Variants in PIK3C2G observed in about 807,000 individuals in gnomAD.
The protein encoded by PIK3C2G is phosphatidylinositol 3-kinase C2 domain-containing subunit gamma.
A neutral mutation model predicts 181.1 loss-of-function variants in PIK3C2G; 168 were observed. That is an observed-to-expected ratio of 0.93 (90% CI 0.82 to 1.05). The LOEUF (loss-of-function observed/expected upper bound fraction) is 1.05, where lower values mean the gene tolerates loss of function less well. PIK3C2G is among the 50% of genes least tolerant of loss of function. The pLI, the probability that PIK3C2G is intolerant of heterozygous loss-of-function variation, is 0.00. For missense variants in PIK3C2G, 1,869 were observed against 1,732.8 expected (o/e 1.08, Z -1.40); for synonymous variants, 573 against 592.2 (o/e 0.97, Z 0.47).
intron 16 of PIK3C2G, among the ~76,000 whole-genome samples, chr12:18,409,707 G>A (rs571066821): frequency 3.9e-5 from 6 of 152,094 alleles, no homozygotes; most frequent in Non-Finnish European, 8.8e-5. Flanking sequence ...AATGGAGAGG[G>A]TCTGTGAAAA....
At chr12:18,479,960 A>G (rs899829509) in intron 18 of PIK3C2G, among the ~76,000 whole-genome samples, 1 of 152,200 alleles carries the variant, frequency 6.6e-6, no homozygotes, top group Non-Finnish European at 1.5e-5. Context: ...GAGTATAATT[A>G]TACTCAGGGA....
intron 31 of PIK3C2G, among the ~76,000 whole-genome samples, chr12:18,638,817 T>TGTTTTACCCACTAA (rs971034663): frequency 6.6e-6 from 1 of 152,066 alleles, no homozygotes; most frequent in South Asian, 2.1e-4. Flanking sequence ...TCCAGAAACA[T>TGTTTTACCCACTAA]GTTTTACCCA....
chr12:18,291,972 G>A (rs573166708), intron 4 of PIK3C2G, among the ~76,000 whole-genome samples: 1 of 151,276 alleles, frequency 6.6e-6, no homozygotes, highest in African/African-American at 2.4e-5. Flanking sequence ...ACTTTGGAAG[G>A]GCGAGGCAGG....
chr12:18,293,851 C>G (rs1368359285), intron 4 of PIK3C2G, 50 bp from the exon 5 acceptor site: 11 of 858,686 alleles, frequency 1.3e-5, no homozygotes, highest in Non-Finnish European at 1.8e-5. Context: ...TTTTCCTAGT[C>G]AGTATATGAT....
chr12:18,456,081 T>C (rs188961489), intron 18 of PIK3C2G, among the ~76,000 whole-genome samples: 287 of 152,298 alleles, frequency 1.9e-3, no homozygotes, highest in African/African-American at 6.7e-3. Context: ...ACACAAGTCC[T>C]TGTTCTCAAG....
At chr12:18,505,688 C>T (rs1229466728) in intron 24 of PIK3C2G, among the ~76,000 whole-genome samples, 1 of 152,058 alleles carries the variant, frequency 6.6e-6, no homozygotes, top group Non-Finnish European at 1.5e-5. Context: ...ACTGGTCTTC[C>T]CCCATGAGAA....
chr12:18,350,395 A>G (rs1028970631), intron 11 of PIK3C2G, among the ~76,000 whole-genome samples: 10 of 152,314 alleles, frequency 6.6e-5, no homozygotes, highest in African/African-American at 2.4e-4. Flanking sequence ...TAATATGTAC[A>G]GTAATACATA....
chr12:18,287,916 C>T (rs1160256410), intron 3 of PIK3C2G, among the ~76,000 whole-genome samples: 2 of 151,558 alleles, frequency 1.3e-5, no homozygotes, highest in Non-Finnish European at 2.9e-5. Context: ...AATCCCAGCA[C>T]TTTGGGAGGC....
At position 18,338,549 on chromosome 12, in the gene PIK3C2G, G is replaced by A; in HGVS notation, c.1395+1G>A. ...TCTAATTCTTCAGAGAAAAGGAGAG[G>A]TAAGTACATTCATTTATTACACAGT... On this transcript the variant is annotated splice_donor_variant, in intron 9 of 32. Coordinates refer to ENST00000538779, the MANE Select transcript of PIK3C2G (RefSeq NM_001288772.2). LOFTEE classifies it high-confidence loss of function. 6.3e-7 allele frequency: 1 copy of A among 1,576,596 alleles called. No individual in the cohort carries two copies. The highest frequency in any genetic ancestry group is 8.7e-7 in the Non-Finnish European group (1 of 1,152,466).
chr12:18,591,845 C>T (rs868287986), intron 29 of PIK3C2G, among the ~76,000 whole-genome samples: 14 of 151,818 alleles, frequency 9.2e-5, no homozygotes, highest in African/African-American at 3.4e-4. Flanking sequence ...AGCATTAAGG[C>T]TATAACATAG....
chr12:18,598,681 C>A (rs1258015072), intron 30 of PIK3C2G, among the ~76,000 whole-genome samples: 6 of 124,176 alleles, frequency 4.8e-5, no homozygotes, highest in Admixed American at 3.9e-4. Flanking sequence ...TTCTGCACAG[C>A]AAAAGAAACT....
intron 5 of PIK3C2G, among the ~76,000 whole-genome samples, chr12:18,301,699 CA>C (rs1426364101): frequency 6.6e-6 from 1 of 151,822 alleles, no homozygotes; most frequent in Non-Finnish European, 1.5e-5. Context: ...AAAGTTATCT[CA>C]TATATTTTCT....
chr12:18,685,646 A>T, the PIK3C2G span: 22 of 517,176 alleles, frequency 4.3e-5, no homozygotes, highest in Middle Eastern at 3.2e-4. Context: ...AATAATGACC[A>T]TATTACCTTG....
At chr12:18,510,743 A>G (rs1332558503) in intron 24 of PIK3C2G, among the ~76,000 whole-genome samples, 3 of 152,098 alleles carry the variant, frequency 2.0e-5, no homozygotes, top group African/African-American at 7.2e-5. Context: ...TATGTTATTT[A>G]TGATTGACAG....
the PIK3C2G span, among the ~76,000 whole-genome samples, chr12:18,712,296 T>G: frequency 6.6e-6 from 1 of 152,134 alleles, no homozygotes; most frequent in Non-Finnish European, 1.5e-5. Context: ...CCTGCTCAAT[T>G]TATAGAGTAG....
intron 6 of PIK3C2G, among the ~76,000 whole-genome samples, chr12:18,319,283 TCAGGGGAA>T (rs1951003039): frequency 1.3e-5 from 2 of 152,092 alleles, no homozygotes; most frequent in African/African-American, 4.8e-5. Context: ...TTCTTATAGC[TCAGGGGAA>T]CATTCACGAA....
At chr12:18,513,840 T>G (rs987331634) in intron 24 of PIK3C2G, among the ~76,000 whole-genome samples, 1 of 151,786 alleles carries the variant, frequency 6.6e-6, no homozygotes, top group African/African-American at 2.4e-5. Flanking sequence ...TTTTAGTGCT[T>G]ATTTCGTTAA....
chr12:18,272,647 A>G (rs974106839), intron 1 of PIK3C2G, among the ~76,000 whole-genome samples: 1 of 152,188 alleles, frequency 6.6e-6, no homozygotes, highest in African/African-American at 2.4e-5. Context: ...TTGTACAAAG[A>G]CAATTAATTC....
At chr12:18,346,044 T>C (rs1939640224) in intron 10 of PIK3C2G, among the ~76,000 whole-genome samples, 1 of 152,194 alleles carries the variant, frequency 6.6e-6, no homozygotes, top group Non-Finnish European at 1.5e-5. Flanking sequence ...TAGACTCCTT[T>C]TAAATAACTA....
Sources: gnomAD v4.1 joint callset for allele counts (sites outside exome capture counted in the v4.1 genomes callset) on GRCh38, gnomAD v4.1.1 for gene constraint, MANE v1.5 for transcripts, NCBI Gene and HGNC (gene_info 2026-07-23, HGNC 2026-07-21) for gene names.